Variants in PKP4 observed in about 807,000 individuals in gnomAD.
The protein encoded by PKP4 is plakophilin-4.
In PKP4, 90 loss-of-function variants were observed where a neutral mutation model predicts 145.1. The ratio of observed to expected loss-of-function variants is 0.62; its 90% confidence interval spans 0.52 to 0.74. PKP4 has a LOEUF of 0.74. Among genes scored for constraint, PKP4 ranks in the 30% least tolerant of loss-of-function variants. The probability of loss-of-function intolerance (pLI) is 0.00; values close to 1 mark genes in which losing one functional copy is unlikely to be tolerated. For missense variants in PKP4, 1,340 were observed against 1,482.7 expected (o/e 0.90, Z 1.58); for synonymous variants, 563 against 577.2 (o/e 0.98, Z 0.35).
chr2:158,628,865 A>G (rs1318662959), intron 7 of PKP4, among the ~76,000 whole-genome samples: 2 of 152,200 alleles, frequency 1.3e-5, no homozygotes, highest in African/African-American at 4.8e-5. Flanking sequence ...AGAAGCATCC[A>G]GTCTTCGGCT....
intron 1 of PKP4, among the ~76,000 whole-genome samples, chr2:158,499,947 C>T (rs1174545989): frequency 6.6e-6 from 1 of 152,172 alleles, no homozygotes; most frequent in Non-Finnish European, 1.5e-5. Flanking sequence ...TTATGCACAA[C>T]AGCATGTATC....
At chr2:158,492,277 C>G (rs1026932386) in intron 1 of PKP4, among the ~76,000 whole-genome samples, 1 of 152,076 alleles carries the variant, frequency 6.6e-6, no homozygotes, top group Non-Finnish European at 1.5e-5. Flanking sequence ...CTATCTCACA[C>G]CTTCCCCCTG....
At chr2:158,534,964 T>G (rs543018901) in intron 2 of PKP4, among the ~76,000 whole-genome samples, 1 of 152,342 alleles carries the variant, frequency 6.6e-6, no homozygotes, top group East Asian at 1.9e-4. Context: ...GATGCTATAC[T>G]CTAGTCTTTG....
At chr2:158,508,224 G>A (rs909553644) in intron 1 of PKP4, among the ~76,000 whole-genome samples, 9 of 151,784 alleles carry the variant, frequency 5.9e-5, no homozygotes, top group Non-Finnish European at 1.0e-4. Context: ...AATTAGCTGG[G>A]CATGGTGGCA....
intron 4 of PKP4, among the ~76,000 whole-genome samples, chr2:158,612,162 G>A (rs1010494067): frequency 2.6e-5 from 4 of 151,980 alleles, no homozygotes; most frequent in Non-Finnish European, 1.5e-5. Context: ...CTGGAATAAT[G>A]AAACACCCCA....
Position 158,458,526 on chromosome 2 carries a change from GT to G in PKP4, c.-6+1312del, listed in dbSNP as rs1468640539. Among the ~76,000 whole-genome samples, 3 of 152,282 alleles carry G rather than the reference GT, an allele frequency of 2.0e-5. No homozygotes were observed. The East Asian group carries it at 5.8e-4, about 29-fold the overall frequency. ...GTGTGCAAGGTTTGGATAGTGCCTGGTTTTCACTAGGGTTTTCTGAAAACCA... is the reference window on the plus strand; with the variant it reads ...GTGTGCAAGGTTTGGATAGTGCCTGGTTTCACTAGGGTTTTCTGAAAACCA... On this transcript the variant is annotated intron_variant, in intron 1 of 21. Coordinates refer to ENST00000389759, the MANE Select transcript of PKP4 (RefSeq NM_003628.6).
intron 1 of PKP4, among the ~76,000 whole-genome samples, chr2:158,471,050 C>T (rs766964405): frequency 1.6e-4 from 25 of 152,160 alleles, no homozygotes; most frequent in Non-Finnish European, 1.0e-4. Context: ...TTCACCCCAG[C>T]CACCAAACTA....
rs374177059 is a variant in PKP4 at position 158,631,912 on chromosome 2, C to G, written c.1313C>G (p.Ser438Trp). Residue 438 changes from serine to tryptophan, a missense_variant, in exon 8 of 22, where the codon TCG (serine) becomes TGG (tryptophan). Coordinates refer to ENST00000389759, the MANE Select transcript of PKP4 (RefSeq NM_003628.6). ...PNHGTVELQG[S>W]QTALYRTGSV... Reference sequence around the variant, plus strand: ...CATGGAACTGTGGAGCTCCAAGGATCGCAGACGGCGTTGTATCGCACAGGT... The same window carrying G: ...CATGGAACTGTGGAGCTCCAAGGATGGCAGACGGCGTTGTATCGCACAGGT... The G allele has an allele frequency of 6.2e-7, 1 of 1,613,864 alleles. No homozygotes were observed. The highest frequency in any genetic ancestry group is 8.5e-7 in the Non-Finnish European group (1 of 1,180,010).
intron 2 of PKP4, among the ~76,000 whole-genome samples, chr2:158,541,384 G>A (rs1161424339): frequency 2.0e-5 from 3 of 151,954 alleles, no homozygotes; most frequent in Non-Finnish European, 2.9e-5. Flanking sequence ...TTTATTTCAG[G>A]CATTCCTAAG....
At chr2:158,554,004 C>T (rs2045854843) in intron 2 of PKP4, among the ~76,000 whole-genome samples, 1 of 152,074 alleles carries the variant, frequency 6.6e-6, no homozygotes, top group South Asian at 2.1e-4. Context: ...GGACATGGGA[C>T]AGACATGAAT....
At chr2:158,623,422 A>C (rs144708615) in intron 6 of PKP4, among the ~76,000 whole-genome samples, 1 of 151,918 alleles carries the variant, frequency 6.6e-6, no homozygotes, top group Admixed American at 6.6e-5. Flanking sequence ...GCCTCAAGCA[A>C]TCCTCCCTCC....
At chr2:158,465,461 A>T (rs2105384872) in intron 1 of PKP4, among the ~76,000 whole-genome samples, 1 of 152,340 alleles carries the variant, frequency 6.6e-6, no homozygotes. Context: ...TCATAATGAC[A>T]ATACATGATT....
chr2:158,520,439 G>T (rs2042275431), intron 1 of PKP4, among the ~76,000 whole-genome samples: 1 of 152,130 alleles, frequency 6.6e-6, no homozygotes, highest in African/African-American at 2.4e-5. Flanking sequence ...TCTATTAAAA[G>T]TGAATAATCT....
chr2:158,507,634 T>TA (rs1173460176), intron 1 of PKP4, among the ~76,000 whole-genome samples: 1 of 152,206 alleles, frequency 6.6e-6, no homozygotes, highest in Non-Finnish European at 1.5e-5. Flanking sequence ...TTTTTAAATT[T>TA]AAAAAAGAAT....
chr2:158,507,154 C>G (rs993429236), intron 1 of PKP4, among the ~76,000 whole-genome samples: 1 of 152,196 alleles, frequency 6.6e-6, no homozygotes, highest in Non-Finnish European at 1.5e-5. Flanking sequence ...CTATACCTCT[C>G]TCTTGCTCCA....
At chr2:158,573,161 A>T (rs924019006) in intron 2 of PKP4, among the ~76,000 whole-genome samples, 11 of 152,230 alleles carry the variant, frequency 7.2e-5, no homozygotes, top group Non-Finnish European at 1.5e-4. Flanking sequence ...GTGCAATGGA[A>T]TACTATTGGG....
chr2:158,630,935 T>TTTGTTTG (rs2053292563), intron 7 of PKP4, among the ~76,000 whole-genome samples: 1 of 151,888 alleles, frequency 6.6e-6, no homozygotes, highest in Non-Finnish European at 1.5e-5. Flanking sequence ...TTTTTGTTTG[T>TTTGTTTG]TTGTTTGTTT....
At chr2:158,516,921 A>G (rs2041988120) in intron 1 of PKP4, among the ~76,000 whole-genome samples, 1 of 152,174 alleles carries the variant, frequency 6.6e-6, no homozygotes, top group Non-Finnish European at 1.5e-5. Flanking sequence ...TCAGCCTCCC[A>G]AAGTGCTGAG....
intron 1 of PKP4, among the ~76,000 whole-genome samples, chr2:158,497,271 A>G (rs537511718): frequency 5.3e-5 from 8 of 152,274 alleles, no homozygotes; most frequent in Non-Finnish European, 1.0e-4. Flanking sequence ...GACTAGAGTG[A>G]TATTCTAACA....
Sources: gnomAD v4.1 joint callset for allele counts (sites outside exome capture counted in the v4.1 genomes callset) on GRCh38, gnomAD v4.1.1 for gene constraint, MANE v1.5 for transcripts, NCBI Gene and HGNC (gene_info 2026-07-23, HGNC 2026-07-21) for gene names.